RFX8: variants seen among roughly 807,000 people sequenced by gnomAD.
The protein encoded by RFX8 is regulatory factor X8.
Under a neutral mutation model 54.6 loss-of-function variants are expected in RFX8, and 46 were observed. The ratio of observed to expected loss-of-function variants is 0.84; its 90% CI spans 0.67 to 1.08. The LOEUF (loss-of-function observed/expected upper bound fraction) is 1.08, where lower values mean the gene tolerates loss of function less well. Among genes scored for constraint, RFX8 ranks in the 50% least tolerant of loss-of-function variants. The pLI is 0.00. For synonymous variants in RFX8, 192 were observed against 209.5 expected (o/e 0.92, Z 0.72); for missense variants, 536 against 562.3 (o/e 0.95, Z 0.47).
intron 10 of RFX8, among the ~76,000 whole-genome samples, chr2:101,404,592 ATTT>A: frequency 7.0e-6 from 1 of 143,520 alleles, no homozygotes; most frequent in Non-Finnish European, 1.5e-5. Context: ...CACCTGGCTA[ATTT>A]TTTTTTTTTT....
intron 2 of RFX8, among the ~76,000 whole-genome samples, chr2:101,434,096 G>C (rs1454175584): frequency 6.6e-6 from 1 of 152,154 alleles, no homozygotes; most frequent in African/African-American, 2.4e-5. Flanking sequence ...TAGTAAGGTA[G>C]ATAAGAATTA....
intron 10 of RFX8, 39 bp from the exon 11 acceptor site, chr2:101,402,791 C>G (rs772148011): frequency 1.6e-5 from 24 of 1,489,530 alleles, no homozygotes; most frequent in Non-Finnish European, 2.1e-5. Flanking sequence ...TACATTTGAT[C>G]GACAGACAAT....
intron 4 of RFX8, among the ~76,000 whole-genome samples, chr2:101,419,406 A>G (rs1686726338): frequency 2.6e-5 from 4 of 152,180 alleles, no homozygotes; most frequent in Admixed American, 1.3e-4. Context: ...ATCAAGTTAG[A>G]AGTCACCTAA....
intron 7 of RFX8, among the ~76,000 whole-genome samples, chr2:101,414,544 G>T (rs966104271): frequency 6.6e-6 from 1 of 151,976 alleles, no homozygotes; most frequent in Non-Finnish European, 1.5e-5. Context: ...AAAGTGCCGC[G>T]ATTACAGGTA....
intron 2 of RFX8, among the ~76,000 whole-genome samples, chr2:101,424,209 A>G (rs1280298313): frequency 6.6e-6 from 1 of 152,234 alleles, no homozygotes; most frequent in Non-Finnish European, 1.5e-5. Flanking sequence ...GGCTTTATTC[A>G]GAGTCATCAG....
rs542274940 is a variant in RFX8 at position 101,409,789 on chromosome 2, C to T, written c.813+830G>A. 7.2e-5 allele frequency among the ~76,000 whole-genome samples: 11 copies of T among 152,264 alleles called. No individual in the cohort carries two copies. In the South Asian group the frequency reaches 8.3e-4, roughly 11 times the overall value. ...TGCTGGAATTATAGGCATGAGCCAC[C>T]GTGCCTGGCCTCCCTGTAGGTTTTA... On this transcript the variant is annotated intron_variant, in intron 9 of 11. Transcript: ENST00000428343.
At position 101,412,956 on chromosome 2, in the gene RFX8, C is replaced by T. The variant is rs1479237655; in HGVS notation, c.677G>A (p.Arg226Gln). ...GTTCTCCAGTTCATCTGCGCCACTC[C>T]GGTCACTTGCCAGGGCTTTCTTAGA... ...ATSKKALASD[R>Q]SGADELENNP... The change falls in exon 8 of 12, where the codon CGG becomes CAG. Residue 226 changes from arginine (R) to glutamine (Q), a missense_variant. By Grantham distance (43) the Arg-to-Gln change is conservative. Transcript: ENST00000428343. The T allele has an allele frequency of 1.6e-5, 25 of 1,551,680 alleles. No homozygotes were observed. The highest frequency in any genetic ancestry group is 4.8e-5 in the South Asian group (4 of 84,060).
chr2:101,414,959 C>T (rs1686406191), intron 6 of RFX8, 47 bp from the exon 7 acceptor site: 1 of 1,419,474 alleles, frequency 7.0e-7, no homozygotes. Flanking sequence ...ACTTCAAGTT[C>T]TCATGTGGGC....
At chr2:101,455,159 C>A (rs1161465973) in intron 2 of RFX8, among the ~76,000 whole-genome samples, 2 of 151,942 alleles carry the variant, frequency 1.3e-5, no homozygotes, top group Non-Finnish European at 1.5e-5. Flanking sequence ...TATAGGCACC[C>A]GCCACCACAC....
In RFX8 at chr2:101,410,678, T is replaced by C. The variant is rs375059695; in HGVS notation, c.754A>G (p.Thr252Ala). Residue 252 changes from threonine to alanine, a missense_variant, in exon 9 of 12, where the codon ACA becomes GCA. By Grantham distance (58) the Thr-to-Ala change is moderately conservative. Transcript: ENST00000428343. ...CAGCTGAGGAATACCCTGAGATCTG[T>C]TGATGTTCCCAGCAAAGAAATTAAG... ...RNLISLLGTS[T>A]DLRVFLSCLS... is the part of the protein sequence containing the mutation. 6.5e-6 allele frequency: 10 copies of C among 1,546,100 alleles called. No individual in the cohort carries two copies. The East Asian group carries it at 7.3e-5, about 11-fold the overall frequency.
chr2:101,434,613 A>G (rs1405194260), intron 2 of RFX8, among the ~76,000 whole-genome samples: 1 of 152,168 alleles, frequency 6.6e-6, no homozygotes, highest in Non-Finnish European at 1.5e-5. Context: ...AAATGATAAC[A>G]GTTCCCGATG....
intron 2 of RFX8, among the ~76,000 whole-genome samples, chr2:101,444,915 A>T (rs1688287820): frequency 6.6e-6 from 1 of 152,212 alleles, no homozygotes; most frequent in Non-Finnish European, 1.5e-5. Context: ...GTTATCCTTA[A>T]TTAATGGATG....
intron 9 of RFX8, among the ~76,000 whole-genome samples, chr2:101,408,002 C>T (rs1321743740): frequency 6.6e-6 from 1 of 152,242 alleles, no homozygotes; most frequent in African/African-American, 2.4e-5. Context: ...TTGTAAAGAT[C>T]AGCCAAGCTA....
chr2:101,430,833 A>G (rs558395874), intron 2 of RFX8, among the ~76,000 whole-genome samples: 26 of 152,322 alleles, frequency 1.7e-4, no homozygotes, highest in African/African-American at 6.3e-4. Flanking sequence ...TCAAACTTAG[A>G]ATAAAGACTA....
rs930622045 is a variant in RFX8, at chr2:101,414,999, T to C, written c.503-87A>G. Reference sequence around the variant, plus strand: ...GGGAAGAGAAGGTGCATGTTTGGGGTAGGAAGGCACAGCTGGCTAAACTGC... The same window carrying C: ...GGGAAGAGAAGGTGCATGTTTGGGGCAGGAAGGCACAGCTGGCTAAACTGC... On this transcript the variant is annotated intron_variant, in intron 6 of 11. Coordinates refer to ENST00000428343, the MANE Select transcript of RFX8 (RefSeq NM_001145664.2). The C allele has an allele frequency of 2.1e-5, 22 of 1,054,754 alleles. No homozygotes were observed. The African/African-American group carries it at 3.1e-4, about 15-fold the overall frequency. The allele number at this position is 1,054,754 out of a possible 1,614,324, so 65.3% of individuals were successfully genotyped here.
intron 2 of RFX8, among the ~76,000 whole-genome samples, chr2:101,464,922 T>A (rs1322172469): frequency 6.6e-6 from 1 of 152,098 alleles, no homozygotes; most frequent in African/African-American, 2.4e-5. Flanking sequence ...GTCACCCACT[T>A]CCCTCTGATA....
chr2:101,423,214 C>T (rs11891816), intron 2 of RFX8, among the ~76,000 whole-genome samples: 3,062 of 150,204 alleles, frequency 0.02, 80 homozygotes, highest in African/African-American at 0.06. Context: ...GCCAAGATCA[C>T]GCCACTGCAC....
intron 4 of RFX8, 138 bp downstream of exon 4, chr2:101,421,586 T>C (rs548387256): frequency 7.0e-7 from 1 of 1,426,210 alleles, no homozygotes; most frequent in African/African-American, 1.4e-5. Context: ...GTACATAGCA[T>C]GTAAGCACTT....
rs180762897 is a variant in RFX8 at position 101,422,432 on chromosome 2, G to T, written c.113C>A (p.Ser38Tyr). ...HSPMKTDPVG[S>Y]PLSEFRRCPF... ...ACATCTCCTGAATTCAGACAAAGGG[G>T]ATCCAACTGGGTCTGTCTTCATCGG... The change falls in exon 3 of 12, where the codon TCC (serine) becomes TAC (tyrosine). Residue 38 changes from serine (S) to tyrosine (Y), a missense_variant. Coordinates refer to ENST00000428343, the MANE Select transcript of RFX8 (RefSeq NM_001145664.2). 2.3e-4 allele frequency: 354 copies of T among 1,550,032 alleles called. 3 individuals carry two copies. In the African/African-American group the frequency reaches 4.4e-3, roughly 19 times the overall value.
Sources: allele counts gnomAD v4.1 joint callset (sites outside exome capture counted in the v4.1 genomes callset), GRCh38; gene constraint gnomAD v4.1.1; transcripts MANE v1.5; gene names NCBI Gene and HGNC (gene_info 2026-07-23, HGNC 2026-07-21).